Variants in RIPOR3 observed in about 807,000 individuals in gnomAD.
RIPOR3 encodes RIPOR family member 3, also known as family with sequence similarity 65 member C.
In RIPOR3, 95 loss-of-function variants were observed where a neutral mutation model predicts 114.3. That is an observed-to-expected ratio of 0.83 (90% CI 0.70 to 0.99). The LOEUF (loss-of-function observed/expected upper bound fraction) is 0.99, where lower values mean the gene tolerates loss of function less well. RIPOR3 is among the 50% of genes least tolerant of loss of function. The pLI, the probability that RIPOR3 is intolerant of heterozygous loss-of-function variation, is 0.00. For synonymous variants in RIPOR3, 575 were observed against 543.8 expected, an observed-to-expected ratio of 1.06 and a Z score of -0.80; for missense variants, 1,252 against 1,266.9, an observed-to-expected ratio of 0.99 and a Z score of 0.18.
chr20:50,625,808 C>G (rs938622234), intron 2 of RIPOR3, among the ~76,000 whole-genome samples: 2 of 152,202 alleles, frequency 1.3e-5, no homozygotes, highest in African/African-American at 4.8e-5. Flanking sequence ...TGTTTATCCT[C>G]TCATCTCTCT....
chr20:50,665,888 C>T (rs529096645), intron 1 of RIPOR3, among the ~76,000 whole-genome samples: 1 of 152,210 alleles, frequency 6.6e-6, no homozygotes, highest in East Asian at 1.9e-4. Flanking sequence ...GGCCCCCCGT[C>T]GCCACGCACC....
intron 1 of RIPOR3, among the ~76,000 whole-genome samples, chr20:50,643,942 T>C (rs527576899): frequency 6.6e-6 from 1 of 151,994 alleles, no homozygotes; most frequent in Admixed American, 6.6e-5. Flanking sequence ...CTCGATCTCC[T>C]GACCTCGTGA....
chr20:50,602,372 T>A lies in RIPOR3; in HGVS notation c.1359A>T (p.Pro453=). ...EEEAREDPLP[P]GLLPEMAHLS... is the part of the protein sequence containing the mutation. Reference sequence around the variant, plus strand: ...GGTGGGCCATCTCTGGCAGGAGACCTGGGGGCAGGGGGTCCTCCCGAGCCT... The same window carrying A: ...GGTGGGCCATCTCTGGCAGGAGACCAGGGGGCAGGGGGTCCTCCCGAGCCT... Residue 453 remains proline (P), a synonymous_variant, in exon 13 of 22, where the codon CCA becomes CCT. Transcript: ENST00000327979. The surrounding 1 kb of genome is among the most constrained non-coding windows in gnomAD (Gnocchi z 4.3). The A allele has an allele frequency of 6.2e-7, 1 of 1,613,290 alleles. No individual in the cohort carries two copies. Among genetic ancestry groups the A allele is most frequent in the Non-Finnish European group, 8.5e-7 (1 of 1,179,888 alleles).
chr20:50,662,914 G>A (rs1298859271), intron 1 of RIPOR3, among the ~76,000 whole-genome samples: 1 of 152,100 alleles, frequency 6.6e-6, no homozygotes, highest in East Asian at 1.9e-4. Context: ...GGCCAACATG[G>A]TGAAACCTCA....
At chr20:50,614,192 C>T (rs534340522) in intron 4 of RIPOR3, among the ~76,000 whole-genome samples, 75 of 152,228 alleles carry the variant, frequency 4.9e-4, no homozygotes, top group African/African-American at 1.7e-3. Context: ...CCCGCCACCA[C>T]GCCTGGCTAA....
At chr20:50,589,084 GAAAAAAAA>G (rs529410533) in intron 20 of RIPOR3, among the ~76,000 whole-genome samples, 10 of 89,542 alleles carry the variant, frequency 1.1e-4, no homozygotes, top group East Asian at 7.0e-4. Context: ...TCCATCTCAA[GAAAAAAAA>G]AAAAAAAAAA....
intron 11 of RIPOR3, among the ~76,000 whole-genome samples, chr20:50,606,546 A>G (rs1480720539): frequency 6.6e-6 from 1 of 152,176 alleles, no homozygotes; most frequent in East Asian, 1.9e-4. Context: ...AACAGGGACC[A>G]TCCCTCTATC....
chr20:50,608,442 C>G lies in RIPOR3; in HGVS notation c.903G>C (p.Val301=). The G allele has an allele frequency of 6.2e-7, 1 of 1,614,054 alleles. No individual in the cohort carries two copies. Among genetic ancestry groups the G allele is most frequent in the Non-Finnish European group, 8.5e-7 (1 of 1,179,956 alleles). ...DFFTTRPQVI[V]VDITELGTIK... The stretch of plus-strand genomic sequence containing the variant: ...TGGTACCCAACTCCGTGATGTCCAC[C>G]ACGATGACCTGCGGCCGCGTCGTGA... Residue 301 remains valine, a synonymous_variant, in exon 11 of 22, where the codon GTG becomes GTC. Coordinates refer to ENST00000327979, the MANE Select transcript of RIPOR3 (RefSeq NM_001290268.2).
chr20:50,593,041 T>C lies in RIPOR3; in HGVS notation c.2368A>G (p.Lys790Glu), dbSNP rs1451451296. 6.2e-7 allele frequency: 1 copy of C among 1,614,030 alleles called. No homozygotes were observed. The highest frequency in any genetic ancestry group is 1.1e-5 in the South Asian group (1 of 91,084). ...CCACCCACCCCAGTCTTACCTTCCT[T>C]GGTGAGCTGGGTGAAGTGCTTCTCC... ...DLEKHFTQLTKEVTLIEELHC... is the reference protein window; with the variant it reads ...DLEKHFTQLTEEVTLIEELHC... Residue 790 changes from lysine to glutamate, a missense_variant, in exon 18 of 22, where the codon AAG becomes GAG. By Grantham distance (56) the Lys-to-Glu change is moderately conservative. Coordinates refer to ENST00000327979, the MANE Select transcript of RIPOR3 (RefSeq NM_001290268.2).
intron 21 of RIPOR3, among the ~76,000 whole-genome samples, 200 bp from the exon 22 acceptor site, chr20:50,587,532 C>T (rs999248193): frequency 3.3e-5 from 5 of 152,214 alleles, no homozygotes; most frequent in Middle Eastern, 3.2e-3. Context: ...TAGGATGTTC[C>T]GCTGAATGGG....
rs1485686430 is a variant in RIPOR3 at position 50,604,141 on chromosome 20, C to T, written c.1086+504G>A. Among the ~76,000 whole-genome samples the T allele has an allele frequency of 2.7e-5, 4 of 150,152 alleles. No individual in the cohort carries two copies. The South Asian group carries it at 6.3e-4, about 24-fold the overall frequency. ...TGGAGGTTGCAGTGAGCTGACATTG[C>T]GTGACTGCACTCCAGCCTGGGAGAC... On this transcript the variant is annotated intron_variant, in intron 12 of 21. Coordinates refer to ENST00000327979, the MANE Select transcript of RIPOR3 (RefSeq NM_001290268.2).
At chr20:50,592,973 C>CTT in intron 18 of RIPOR3, 62 bp downstream of exon 18, 1 of 1,579,742 alleles carries the variant, frequency 6.3e-7, no homozygotes, top group Non-Finnish European at 8.6e-7. Flanking sequence ...ACCTGAGAAA[C>CTT]TGCATGTGAC....
chr20:50,628,928 C>A (rs983271704), intron 2 of RIPOR3, among the ~76,000 whole-genome samples: 2 of 152,158 alleles, frequency 1.3e-5, no homozygotes, highest in African/African-American at 4.8e-5. Flanking sequence ...CCTATCCCCG[C>A]AGCAAATGCC....
intron 11 of RIPOR3, among the ~76,000 whole-genome samples, chr20:50,607,057 T>A (rs988544551): frequency 6.6e-6 from 1 of 152,200 alleles, no homozygotes; most frequent in African/African-American, 2.4e-5. Context: ...AAAGTCCTGC[T>A]GCTTCATTCC....
intron 1 of RIPOR3, among the ~76,000 whole-genome samples, chr20:50,660,479 A>G (rs896097653): frequency 6.6e-6 from 1 of 152,074 alleles, no homozygotes; most frequent in African/African-American, 2.4e-5. Context: ...TGGAGAACCA[A>G]TTCAGTCTCA....
rs761742356 is a variant in RIPOR3, at chr20:50,620,101, G to A, written c.154C>T (p.Arg52Ter). 5.0e-6 allele frequency: 8 copies of A among 1,614,088 alleles called. No individual in the cohort carries two copies. Among genetic ancestry groups the A allele is most frequent in the East Asian group, 2.2e-5 (1 of 44,888 alleles). Reference protein sequence around the residue: ...KSINRNSVRSRMPAKSSKMYG... With the variant: ...KSINRNSVRS The stretch of plus-strand genomic sequence containing the variant: ...ATCTTGGAGGATTTTGCAGGCATTC[G>A]CGATCTCACGGAGTTCCTGTTGATG... The change falls in exon 3 of 22, where the codon CGA (arginine) becomes TGA (stop). Residue 52 changes from arginine (R) to a stop codon, truncating the protein, a stop_gained. Transcript: ENST00000327979. LOFTEE classifies it high-confidence loss of function.
Position 50,609,643 on chromosome 20 carries a change from C to A in RIPOR3, c.506G>T (p.Arg169Leu). ...GASSMQRAFARCPPSRAARES... is the reference protein window; with the variant it reads ...GASSMQRAFALCPPSRAARES... ...TCGGGCTGCGCGGCTCGGGGGGCAC[C>A]GGGCGAAGGCCCGCTGCATGCTGGA... is the stretch of plus-strand genomic sequence containing the variant. Residue 169 changes from arginine to leucine, a missense_variant, in exon 7 of 22, where the codon CGG becomes CTG. Arg to Leu is a moderately radical substitution (Grantham distance 102). Coordinates refer to ENST00000327979, the MANE Select transcript of RIPOR3 (RefSeq NM_001290268.2). 7.2e-7 allele frequency: 1 copy of A among 1,398,506 alleles called. No individual in the cohort carries two copies. Among genetic ancestry groups the A allele is most frequent in the Non-Finnish European group, 9.3e-7 (1 of 1,079,288 alleles). 86.6% of individuals were successfully genotyped at this position (1,398,506 alleles called of 1,614,324 possible).
chr20:50,620,106 C>T lies in RIPOR3; in HGVS notation c.149G>A (p.Arg50Lys), dbSNP rs941538432. 1.9e-6 allele frequency: 3 copies of T among 1,614,034 alleles called. No individual in the cohort carries two copies. The African/African-American group carries it at 4.0e-5, about 22-fold the overall frequency. ...IAKSINRNSVRSRMPAKSSKM... is the reference protein window; with the variant it reads ...IAKSINRNSVKSRMPAKSSKM... ...GGAGGATTTTGCAGGCATTCGCGAT[C>T]TCACGGAGTTCCTGTTGATGGACTT... The change falls in exon 3 of 22, where the codon AGA becomes AAA. Residue 50 changes from arginine to lysine, a missense_variant. Transcript: ENST00000327979.
intron 1 of RIPOR3, among the ~76,000 whole-genome samples, chr20:50,674,406 G>A (rs1000854744): frequency 7.9e-5 from 12 of 151,878 alleles, no homozygotes; most frequent in African/African-American, 2.4e-4. Context: ...GGAATAAAAG[G>A]AGTTTGGAGA....
Sources: gnomAD v4.1 joint callset for allele counts (sites outside exome capture counted in the v4.1 genomes callset) on GRCh38, gnomAD v4.1.1 for gene constraint, Gnocchi (gnomAD v3.1) non-coding constraint, MANE v1.5 for transcripts, NCBI Gene and HGNC (gene_info 2026-07-23, HGNC 2026-07-21) for gene names.